The following CHN2 variants were observed in gnomAD, a reference collection of about 807,000 sequenced individuals.
CHN2 encodes the protein beta-chimaerin.
CHN2 carries 35 observed loss-of-function variants against 56.3 expected under a neutral mutation model. That is an observed-to-expected ratio of 0.62 (90% CI 0.47 to 0.82). CHN2 has a LOEUF of 0.82. Among genes scored for constraint, CHN2 ranks in the 40% least tolerant of loss-of-function variants. The pLI, the probability that CHN2 is intolerant of heterozygous loss-of-function variation, is 0.00. For missense variants in CHN2, 491 were observed against 580.5 expected, an observed-to-expected ratio of 0.85 and a Z score of 1.58; for synonymous variants, 210 against 212.8, an observed-to-expected ratio of 0.99 and a Z score of 0.12.
chr7:29,300,817 T>C (rs1363504572), intron 1 of CHN2, among the ~76,000 whole-genome samples: 1 of 152,244 alleles, frequency 6.6e-6, no homozygotes, highest in Non-Finnish European at 1.5e-5. Flanking sequence ...CCATTTAAAA[T>C]GTGATTTATT....
At chr7:29,303,521 A>G (rs541530665) in intron 1 of CHN2, among the ~76,000 whole-genome samples, 1 of 150,090 alleles carries the variant, frequency 6.7e-6, no homozygotes, top group East Asian at 2.0e-4. Context: ...GTTATTATTC[A>G]CTCCTCTCAG....
intron 1 of CHN2, chr7:29,199,876 G>T (rs1396368104): frequency 6.6e-6 from 1 of 152,218 alleles, no homozygotes; most frequent in Non-Finnish European, 1.5e-5. Flanking sequence ...CAACTTTTGG[G>T]GAATGTGAAC....
chr7:29,166,226 G>T (rs1795904287), intron 2 of CHN2, among the ~76,000 whole-genome samples: 1 of 152,032 alleles, frequency 6.6e-6, no homozygotes, highest in Non-Finnish European at 1.5e-5. Context: ...TAGAGGTGGG[G>T]TCTCACTATG....
At chr7:29,195,130 C>A in intron 1 of CHN2, 140 bp downstream of exon 1, 2 of 851,052 alleles carry the variant, frequency 2.4e-6, no homozygotes, top group Non-Finnish European at 3.4e-6. Context: ...CGGGGTGATA[C>A]TTGTTTGGTT....
At chr7:29,494,950 T>TAAAAAAAAAA (rs5883217) in intron 7 of CHN2, among the ~76,000 whole-genome samples, 929 of 64,566 alleles carry the variant, frequency 0.014, 44 homozygotes, top group Non-Finnish European at 0.018. Flanking sequence ...AAGCAGTTTG[T>TAAAAAAAAAA]AAAAAAAAAA....
chr7:29,274,029 T>C (rs1309970056), intron 1 of CHN2, among the ~76,000 whole-genome samples: 1 of 152,222 alleles, frequency 6.6e-6, no homozygotes, highest in Non-Finnish European at 1.5e-5. Context: ...GTGTTTAATA[T>C]GTGGCCATCT....
chr7:29,398,725 G>T (rs1169686579), intron 5 of CHN2, among the ~76,000 whole-genome samples: 3 of 151,196 alleles, frequency 2.0e-5, no homozygotes, highest in Non-Finnish European at 4.4e-5. Flanking sequence ...CTCCTGAGTA[G>T]CTGGGACCAC....
chr7:29,213,047 C>G, intron 1 of CHN2: 1 of 1,607,646 alleles, frequency 6.2e-7, no homozygotes, highest in South Asian at 1.1e-5. Flanking sequence ...TCTCTGCAGT[C>G]CTGCATGCAG....
chr7:29,480,192 G>C (rs752352099), intron 6 of CHN2, 87 bp from the exon 7 acceptor site: 4 of 1,612,108 alleles, frequency 2.5e-6, no homozygotes, highest in Middle Eastern at 1.6e-4. Context: ...GAAACGCCAA[G>C]AACTGCTGGC....
intron 1 of CHN2, among the ~76,000 whole-genome samples, chr7:29,274,348 C>G (rs748870019): frequency 1.1e-4 from 16 of 152,322 alleles, no homozygotes; most frequent in Non-Finnish European, 2.2e-4. Flanking sequence ...TCACAATTAC[C>G]AAAGGCTTTG....
intron 1 of CHN2, among the ~76,000 whole-genome samples, chr7:29,263,987 C>CCCAG (rs1789856834): frequency 8.4e-6 from 1 of 118,406 alleles, no homozygotes; most frequent in Non-Finnish European, 1.7e-5. Flanking sequence ...GCAGCCCCCG[C>CCCAG]CCAGCCAGCC....
intron 1 of CHN2, among the ~76,000 whole-genome samples, chr7:29,223,366 A>G (rs1256264963): frequency 6.6e-6 from 1 of 152,170 alleles, no homozygotes; most frequent in Non-Finnish European, 1.5e-5. Context: ...CAGCCTTCTC[A>G]TACCATCCAG....
intron 6 of CHN2, among the ~76,000 whole-genome samples, chr7:29,427,836 T>C (rs1259214367): frequency 2.6e-5 from 4 of 152,000 alleles, no homozygotes; most frequent in Non-Finnish European, 4.4e-5. Context: ...TTTGTATTTT[T>C]AGTAGAGACA....
intron 3 of CHN2, among the ~76,000 whole-genome samples, chr7:29,369,537 A>G (rs1799440432): frequency 6.6e-6 from 1 of 152,222 alleles, no homozygotes; most frequent in African/African-American, 2.4e-5. Flanking sequence ...GTATGATGTA[A>G]TTAAATATAT....
chr7:29,158,689 G>A (rs939494779), intron 2 of CHN2, among the ~76,000 whole-genome samples: 11 of 152,140 alleles, frequency 7.2e-5, no homozygotes, highest in Admixed American at 5.9e-4. Context: ...AGACATGGCC[G>A]TAGAGTTAAC....
At chr7:29,466,459 T>C (rs752734) in intron 6 of CHN2, among the ~76,000 whole-genome samples, 17,957 of 152,186 alleles carry the variant, frequency 0.12, 1,126 homozygotes, top group South Asian at 0.2. Flanking sequence ...AACTTTTAGT[T>C]CTCTTGGCTA....
chr7:29,190,947 T>C (rs865838883), upstream of CHN2, among the ~76,000 whole-genome samples: 4 of 152,134 alleles, frequency 2.6e-5, no homozygotes, highest in South Asian at 8.3e-4. Context: ...TTTTTTTTTT[T>C]TCCCTGAGAC....
intron 3 of CHN2, among the ~76,000 whole-genome samples, chr7:29,380,270 G>A (rs2128056801): frequency 7.1e-6 from 1 of 140,664 alleles, no homozygotes; most frequent in South Asian, 2.3e-4. Context: ...CTAAAGTGGA[G>A]AAATTTGGTT....
chr7:29,389,679 G>A (rs1375475099), intron 3 of CHN2, among the ~76,000 whole-genome samples: 2 of 152,112 alleles, frequency 1.3e-5, no homozygotes, highest in African/African-American at 4.8e-5. Context: ...GATATAAGTG[G>A]CATGTATTGT....
Sources: gnomAD v4.1 joint callset for allele counts (sites outside exome capture counted in the v4.1 genomes callset) on GRCh38, gnomAD v4.1.1 for gene constraint, MANE v1.5 for transcripts, NCBI Gene and HGNC (gene_info 2026-07-23, HGNC 2026-07-21) for gene names.